Variants in BANK1 observed in about 807,000 individuals in gnomAD.
The protein encoded by BANK1 is B-cell scaffold protein with ankyrin repeats.
A neutral mutation model predicts 94.5 loss-of-function variants in BANK1; 95 were observed. The observed-to-expected ratio is 1.00, with a 90% confidence interval of 0.85 to 1.19. The LOEUF (loss-of-function observed/expected upper bound fraction) is 1.19. Ranked by LOEUF, BANK1 falls within the 50% of genes most tolerant of loss-of-function variation. The pLI, the probability that BANK1 is intolerant of heterozygous loss-of-function variation, is 0.00. For missense variants in BANK1, 987 were observed against 932.2 expected, an observed-to-expected ratio of 1.06 and a Z score of -0.77; for synonymous variants, 334 against 308.4, an observed-to-expected ratio of 1.08 and a Z score of -0.87.
intron 1 of BANK1, among the ~76,000 whole-genome samples, chr4:101,803,109 G>C (rs1477208843): frequency 1.4e-5 from 2 of 144,182 alleles, no homozygotes; most frequent in African/African-American, 2.9e-5. Flanking sequence ...GGGATGCATT[G>C]TTGTCTCAAC....
intron 11 of BANK1, among the ~76,000 whole-genome samples, chr4:102,057,602 G>T (rs1330975675): frequency 5.9e-5 from 9 of 152,028 alleles, no homozygotes; most frequent in African/African-American, 7.2e-5. Flanking sequence ...AAGTGCCGGG[G>T]TTACAGGTGT....
chr4:101,983,891 A>C (rs1366554084), intron 7 of BANK1, among the ~76,000 whole-genome samples: 1 of 152,058 alleles, frequency 6.6e-6, no homozygotes, highest in East Asian at 1.9e-4. Context: ...TGCTTTGGCA[A>C]GGGCATAATA....
intron 1 of BANK1, among the ~76,000 whole-genome samples, chr4:101,815,373 A>G (rs950697533): frequency 2.6e-5 from 4 of 152,180 alleles, no homozygotes; most frequent in African/African-American, 9.7e-5. Flanking sequence ...AGTAAGTAGA[A>G]ACTACTACTA....
chr4:101,967,890 C>T (rs1324659415), intron 7 of BANK1, among the ~76,000 whole-genome samples: 2 of 152,030 alleles, frequency 1.3e-5, no homozygotes, highest in Non-Finnish European at 2.9e-5. Flanking sequence ...GAATAAGATT[C>T]AACAGCATAA....
At chr4:101,923,949 C>T (rs1723076585) in intron 7 of BANK1, among the ~76,000 whole-genome samples, 1 of 151,692 alleles carries the variant, frequency 6.6e-6, no homozygotes, top group Admixed American at 6.6e-5. Flanking sequence ...CCAAAGAGCT[C>T]ATACACAACT....
intron 13 of BANK1, among the ~76,000 whole-genome samples, chr4:102,063,418 A>ATAAG (rs1430492239): frequency 2.0e-5 from 3 of 152,092 alleles, no homozygotes; most frequent in African/African-American, 7.2e-5. Flanking sequence ...AGAGAATATG[A>ATAAG]TAAGTATTTT....
intron 6 of BANK1, among the ~76,000 whole-genome samples, chr4:101,907,334 G>T (rs1012286551): frequency 5.3e-5 from 8 of 151,494 alleles, no homozygotes; most frequent in Non-Finnish European, 1.0e-4. Context: ...TGCAGAAAAG[G>T]CCTTTGACAA....
At chr4:102,042,701 T>C (rs1464934176) in intron 10 of BANK1, among the ~76,000 whole-genome samples, 1 of 152,050 alleles carries the variant, frequency 6.6e-6, no homozygotes, top group African/African-American at 2.4e-5. Context: ...ACCATCCAGT[T>C]AAAACACGTT....
chr4:101,871,798 A>G (rs764536112), intron 5 of BANK1, among the ~76,000 whole-genome samples: 1 of 152,168 alleles, frequency 6.6e-6, no homozygotes. Context: ...CATTGTGACT[A>G]TCCAGTCAGT....
chr4:102,016,604 C>T (rs1195847974), intron 7 of BANK1, among the ~76,000 whole-genome samples: 1 of 152,178 alleles, frequency 6.6e-6, no homozygotes, highest in African/African-American at 2.4e-5. Context: ...TAATTTCCAT[C>T]ATCAGGGTCA....
At chr4:101,846,354 T>C (rs1004121246) in intron 2 of BANK1, among the ~76,000 whole-genome samples, 10 of 152,220 alleles carry the variant, frequency 6.6e-5, no homozygotes, top group African/African-American at 7.2e-5. Flanking sequence ...TCTGAAAATT[T>C]TGTGTTTTTG....
rs150069562 is a variant in BANK1, at chr4:102,031,354, A to G, written c.1900+1089A>G. 8.0e-3 allele frequency among the ~76,000 whole-genome samples: 1,215 copies of G among 152,240 alleles called. 18 individuals carry two copies. The highest frequency in any genetic ancestry group is 0.028 in the African/African-American group (1,155 of 41,542). ...TGGATATTAGCCCTTTGTCAGGTGG[A>G]TAAATTGCCAAAATTTTCTCCCACT... On this transcript the variant is annotated intron_variant, in intron 10 of 16. Transcript: ENST00000322953.
intron 4 of BANK1, among the ~76,000 whole-genome samples, chr4:101,868,795 AG>A (rs201471470): frequency 1.3e-5 from 2 of 151,878 alleles, no homozygotes; most frequent in Non-Finnish European, 2.9e-5. Flanking sequence ...TATATTACTG[AG>A]GGGGCCTTCC....
At chr4:102,028,512 C>T (rs1727177933) in intron 9 of BANK1, among the ~76,000 whole-genome samples, 1 of 152,150 alleles carries the variant, frequency 6.6e-6, no homozygotes, top group Non-Finnish European at 1.5e-5. Context: ...TTTTATTCTG[C>T]TCTGCTACTT....
chr4:101,901,654 C>A (rs1176042937), intron 6 of BANK1, among the ~76,000 whole-genome samples: 1 of 152,076 alleles, frequency 6.6e-6, no homozygotes. Flanking sequence ...AACTCAAAAA[C>A]TCAAAAAGTG....
intron 13 of BANK1, 26 bp downstream of exon 13, chr4:102,063,164 A>G (rs747592927): frequency 1.3e-6 from 2 of 1,584,054 alleles, no homozygotes; most frequent in Non-Finnish European, 1.7e-6. Context: ...CTGCTATTCA[A>G]AAATAATAGA....
At chr4:101,887,345 A>G (rs1023775720) in intron 5 of BANK1, among the ~76,000 whole-genome samples, 5 of 152,240 alleles carry the variant, frequency 3.3e-5, no homozygotes, top group Non-Finnish European at 7.3e-5. Flanking sequence ...TTTAAAAATA[A>G]TAAACAGACT....
intron 2 of BANK1, among the ~76,000 whole-genome samples, chr4:101,848,560 A>G (rs557148580): frequency 2.0e-5 from 3 of 152,350 alleles, no homozygotes; most frequent in South Asian, 4.1e-4. Context: ...ATTAGGCACT[A>G]GATCCATTTG....
intron 7 of BANK1, among the ~76,000 whole-genome samples, chr4:102,017,793 C>G (rs530173663): frequency 2.0e-5 from 3 of 152,272 alleles, no homozygotes; most frequent in African/African-American, 7.2e-5. Context: ...AAGATCCTGT[C>G]TGAAAAATAG....
Sources: gnomAD v4.1 joint callset for allele counts (sites outside exome capture counted in the v4.1 genomes callset) on GRCh38, gnomAD v4.1.1 for gene constraint, MANE v1.5 for transcripts, NCBI Gene and HGNC (gene_info 2026-07-23, HGNC 2026-07-21) for gene names.